The following ATRNL1 variants were observed in gnomAD, a reference collection of about 807,000 sequenced individuals.
ATRNL1 encodes attractin-like protein 1.
Under a neutral mutation model 182.7 loss-of-function variants are expected in ATRNL1, and 95 were observed. The observed-to-expected ratio is 0.52, with a 90% CI of 0.44 to 0.62. ATRNL1 has a LOEUF of 0.62. ATRNL1 is among the 20% of genes least tolerant of loss of function. The pLI, the probability that ATRNL1 is intolerant of heterozygous loss-of-function variation, is 0.00. For synonymous variants in ATRNL1, 576 were observed against 568.3 expected (o/e 1.01, Z -0.19); for missense variants, 1,471 against 1,679.5 (o/e 0.88, Z 2.17).
chr10:115,832,474 C>T (rs1555094042), intron 27 of ATRNL1, among the ~76,000 whole-genome samples: 3 of 152,224 alleles, frequency 2.0e-5, no homozygotes, highest in African/African-American at 7.2e-5. Flanking sequence ...TTTGCACTCC[C>T]TTCATTCCTT....
chr10:115,906,642 T>C (rs1256020516), intron 28 of ATRNL1, among the ~76,000 whole-genome samples: 1 of 152,150 alleles, frequency 6.6e-6, no homozygotes, highest in Non-Finnish European at 1.5e-5. Context: ...GGTTAAACAG[T>C]TTTCATTATT....
chr10:115,142,600 G>C (rs1845796812), intron 5 of ATRNL1, among the ~76,000 whole-genome samples: 1 of 152,144 alleles, frequency 6.6e-6, no homozygotes, highest in Admixed American at 6.5e-5. Context: ...AGCCATTGAA[G>C]GATTTTGAGC....
chr10:115,728,494 G>T, intron 27 of ATRNL1, among the ~76,000 whole-genome samples: 1 of 151,790 alleles, frequency 6.6e-6, no homozygotes, highest in African/African-American at 2.4e-5. Context: ...TTTTAAAAAT[G>T]TCTTTATTTG....
chr10:115,769,232 G>A (rs1274840381), intron 27 of ATRNL1, among the ~76,000 whole-genome samples: 3 of 152,048 alleles, frequency 2.0e-5, no homozygotes, highest in African/African-American at 7.2e-5. Context: ...ACAAGAAACC[G>A]TATAGGTTTC....
At chr10:115,745,942 A>G (rs1593160564) in intron 27 of ATRNL1, among the ~76,000 whole-genome samples, 2 of 152,300 alleles carry the variant, frequency 1.3e-5, no homozygotes, top group Admixed American at 6.5e-5. Context: ...CAAAAATTGA[A>G]TTTTGGAAAA....
intron 27 of ATRNL1, among the ~76,000 whole-genome samples, chr10:115,771,315 C>T (rs1407315912): frequency 2.0e-5 from 3 of 151,676 alleles, no homozygotes; most frequent in African/African-American, 7.3e-5. Flanking sequence ...ACTGCAAGCT[C>T]CGCCTCCTGG....
chr10:115,646,036 T>TACAC (rs58679995), intron 26 of ATRNL1, among the ~76,000 whole-genome samples: 8,265 of 141,474 alleles, frequency 0.058, 365 homozygotes, highest in African/African-American at 0.13. Flanking sequence ...TTTTAAAATT[T>TACAC]ACACACACAC....
At chr10:115,244,811 C>A (rs1554903696) in intron 10 of ATRNL1, among the ~76,000 whole-genome samples, 2 of 152,042 alleles carry the variant, frequency 1.3e-5, no homozygotes, top group Non-Finnish European at 1.5e-5. Flanking sequence ...AATTCTGAAA[C>A]AAGATGCAAA....
At chr10:115,177,903 GTTTTTTTTGTTTTTTTTTTTGT>G (rs1847585824) in intron 8 of ATRNL1, among the ~76,000 whole-genome samples, 6 of 102,062 alleles carry the variant, frequency 5.9e-5, no homozygotes, top group Non-Finnish European at 3.7e-5. Flanking sequence ...TTGTTTTTTT[GTTTTTTTTGTTTTTTTTTTTGT>G]TTTTTTTTTT....
chr10:115,580,204 T>C (rs1854982714), intron 26 of ATRNL1, among the ~76,000 whole-genome samples: 1 of 152,124 alleles, frequency 6.6e-6, no homozygotes, highest in Admixed American at 6.6e-5. Flanking sequence ...ATGAGTTTCA[T>C]ACTTGGTGTT....
At chr10:115,231,935 A>C (rs1849970340) in intron 9 of ATRNL1, among the ~76,000 whole-genome samples, 1 of 152,096 alleles carries the variant, frequency 6.6e-6, no homozygotes, top group Non-Finnish European at 1.5e-5. Flanking sequence ...GAGTTAGGGA[A>C]GTGTAGTAGG....
At chr10:115,450,116 T>C (rs1847211015) in intron 21 of ATRNL1, among the ~76,000 whole-genome samples, 1 of 152,010 alleles carries the variant, frequency 6.6e-6, no homozygotes, top group African/African-American at 2.4e-5. Flanking sequence ...AACTTAGGTA[T>C]TAAAGGAACA....
Position 115,519,282 on chromosome 10 carries a change from A to G in ATRNL1, c.3674A>G (p.Asn1225Ser), listed in dbSNP as rs150729224. 187 of 1,610,692 alleles carry G rather than the reference A, an allele frequency of 1.2e-4. No individual in the cohort carries two copies. The highest frequency in any genetic ancestry group is 1.5e-4 in the Non-Finnish European group (171 of 1,178,780). Reference sequence around the variant, plus strand: ...TTTCAGATTGCATTCTCACAACACAATACAATCATGGACCTTGTGCAGTTT... The same window carrying G: ...TTTCAGATTGCATTCTCACAACACAGTACAATCATGGACCTTGTGCAGTTT... ...IKIQIAFSQH[N>S]TIMDLVQFFV... The change falls in exon 25 of 29, where the codon AAT (asparagine) becomes AGT (serine). Residue 1225 changes from asparagine to serine, a missense_variant. By Grantham distance (46) the Asn-to-Ser change is conservative. Transcript: ENST00000355044.
At chr10:115,806,349 T>C (rs1434674991) in intron 27 of ATRNL1, among the ~76,000 whole-genome samples, 3 of 152,168 alleles carry the variant, frequency 2.0e-5, no homozygotes, top group Non-Finnish European at 4.4e-5. Flanking sequence ...GTATCCAAAG[T>C]TACTGAGCCA....
At chr10:115,249,228 A>G (rs1850770123) in intron 10 of ATRNL1, among the ~76,000 whole-genome samples, 1 of 152,180 alleles carries the variant, frequency 6.6e-6, no homozygotes, top group Middle Eastern at 3.4e-3. Context: ...TCCTGACCTC[A>G]GGTGATCTGC....
intron 24 of ATRNL1, among the ~76,000 whole-genome samples, chr10:115,499,244 T>C (rs547865231): frequency 2.0e-5 from 3 of 152,316 alleles, no homozygotes; most frequent in Non-Finnish European, 4.4e-5. Flanking sequence ...GAAATTATAC[T>C]CTTCAAGAAA....
At chr10:115,790,386 G>A (rs1180960362) in intron 27 of ATRNL1, among the ~76,000 whole-genome samples, 1 of 152,032 alleles carries the variant, frequency 6.6e-6, no homozygotes, top group East Asian at 1.9e-4. Context: ...TGAATAAATG[G>A]CAACCTCTCA....
intron 8 of ATRNL1, among the ~76,000 whole-genome samples, chr10:115,188,481 A>G (rs1408999846): frequency 2.0e-5 from 3 of 152,112 alleles, no homozygotes; most frequent in Non-Finnish European, 4.4e-5. Context: ...AATTTATTTC[A>G]CTTTAGTTTA....
intron 28 of ATRNL1, among the ~76,000 whole-genome samples, chr10:115,873,623 C>T (rs1237287891): frequency 6.6e-6 from 1 of 152,122 alleles, no homozygotes; most frequent in African/African-American, 2.4e-5. Context: ...GGAGTGAGGA[C>T]CCTTTGGGCC....
Sources: allele counts gnomAD v4.1 joint callset (sites outside exome capture counted in the v4.1 genomes callset), GRCh38; gene constraint gnomAD v4.1.1; transcripts MANE v1.5; gene names NCBI Gene and HGNC (gene_info 2026-07-23, HGNC 2026-07-21).